STXBP4: variants seen among roughly 807,000 people sequenced by gnomAD.
STXBP4 encodes syntaxin-binding protein 4.
Under a neutral mutation model 76.1 loss-of-function variants are expected in STXBP4, and 55 were observed. The observed-to-expected ratio is 0.72, with a 90% CI of 0.58 to 0.91. STXBP4 has a LOEUF of 0.91. STXBP4 is among the 40% of genes least tolerant of loss of function. STXBP4 has a pLI of 0.00. For missense variants in STXBP4, 618 were observed against 636.9 expected (o/e 0.97, Z 0.32); for synonymous variants, 201 against 220.2 (o/e 0.91, Z 0.77).
At chr17:55,068,967 G>T (rs1296999248) in intron 12 of STXBP4, among the ~76,000 whole-genome samples, 1 of 152,006 alleles carries the variant, frequency 6.6e-6, no homozygotes, top group African/African-American at 2.4e-5. Context: ...TGTGTGAGCT[G>T]TTACCGTGCT....
intron 1 of STXBP4, among the ~76,000 whole-genome samples, chr17:54,970,120 C>G (rs2077370690): frequency 6.6e-6 from 1 of 152,150 alleles, no homozygotes; most frequent in South Asian, 2.1e-4. Context: ...GAAAGAAGGC[C>G]ACTGTGTTCC....
the STXBP4 span, among the ~76,000 whole-genome samples, chr17:55,205,392 A>G: frequency 6.6e-6 from 1 of 152,190 alleles, no homozygotes. Context: ...TGAAGTAGAA[A>G]AGCCTTTCGT....
At chr17:55,083,275 C>T (rs74997942) in intron 16 of STXBP4, among the ~76,000 whole-genome samples, 4,406 of 152,146 alleles carry the variant, frequency 0.029, 87 homozygotes, top group Admixed American at 0.042. Context: ...CACACCCGGC[C>T]AGAAAAGAGC....
intron 12 of STXBP4, 31 bp downstream of exon 12, chr17:55,047,185 CGTGTGT>C (rs34336794): frequency 0.16 from 129,779 of 806,474 alleles, 6,364 homozygotes; most frequent in Middle Eastern, 0.25. Context: ...TATATGTGCT[CGTGTGT>C]GTGTGTGTGT....
At chr17:55,179,006 A>G in the STXBP4 span, among the ~76,000 whole-genome samples, 1 of 152,198 alleles carries the variant, frequency 6.6e-6, no homozygotes, top group Admixed American at 6.5e-5. Context: ...GTTGACATAT[A>G]AAATCACACT....
chr17:55,181,430 G>T, the STXBP4 span, among the ~76,000 whole-genome samples: 6 of 152,146 alleles, frequency 3.9e-5, no homozygotes, highest in Non-Finnish European at 7.3e-5. Context: ...CCTTCCCTTT[G>T]GAGTGCTGTC....
intron 1 of STXBP4, among the ~76,000 whole-genome samples, chr17:54,973,302 G>A (rs913428216): frequency 7.9e-5 from 12 of 152,084 alleles, no homozygotes; most frequent in Non-Finnish European, 1.0e-4. Flanking sequence ...GCTTTGCAAC[G>A]GATGACAACA....
rs190478180 is a variant in STXBP4, at chr17:55,038,347, C to A, written c.855+4088C>A. ...TTGGAACCAGTATTTTGACTTATAA[C>A]AACATAGATTATTTTTGCCCCTTAT... On this transcript the variant is annotated intron_variant, in intron 10 of 17. Transcript: ENST00000376352. 1.5e-3 allele frequency among the ~76,000 whole-genome samples: 233 copies of A among 152,160 alleles called. 1 individual carries two copies. The highest frequency in any genetic ancestry group is 5.4e-3 in the African/African-American group (223 of 41,532).
chr17:55,150,609 T>C (rs914895492), intron 17 of STXBP4, among the ~76,000 whole-genome samples: 2 of 152,212 alleles, frequency 1.3e-5, no homozygotes, highest in Non-Finnish European at 2.9e-5. Flanking sequence ...CTGTAGATTA[T>C]ATTCATTATA....
At chr17:55,028,975 T>A (rs1268152619) in intron 8 of STXBP4, among the ~76,000 whole-genome samples, 1 of 152,134 alleles carries the variant, frequency 6.6e-6, no homozygotes, top group Non-Finnish European at 1.5e-5. Context: ...GGCTTAGCAC[T>A]TCCTTTTCTA....
At chr17:55,052,833 A>G (rs1476503329) in intron 12 of STXBP4, among the ~76,000 whole-genome samples, 1 of 151,000 alleles carries the variant, frequency 6.6e-6, no homozygotes, top group African/African-American at 2.4e-5. Flanking sequence ...TGTAACCTGA[A>G]TCTAACCATG....
chr17:55,177,130 A>T (rs533950395), downstream of STXBP4, among the ~76,000 whole-genome samples: 1 of 152,092 alleles, frequency 6.6e-6, no homozygotes, highest in South Asian at 2.1e-4. Context: ...ATTCCCTCTT[A>T]TCTCTGTACC....
intron 12 of STXBP4, among the ~76,000 whole-genome samples, chr17:55,071,651 C>T (rs1002271216): frequency 3.9e-5 from 6 of 152,060 alleles, no homozygotes; most frequent in African/African-American, 1.2e-4. Flanking sequence ...TAGTGTCTAC[C>T]CCCAGTACCT....
At chr17:55,051,751 T>C (rs1184542221) in intron 12 of STXBP4, among the ~76,000 whole-genome samples, 1 of 152,012 alleles carries the variant, frequency 6.6e-6, no homozygotes, top group Non-Finnish European at 1.5e-5. Context: ...TGACACCTTG[T>C]CTCTTAAAAG....
rs998246352 is a variant in STXBP4 at position 55,044,978 on chromosome 17, C to T, written c.945+1653C>T. On this transcript the variant is annotated intron_variant, in intron 11 of 17. Coordinates refer to ENST00000376352, the MANE Select transcript of STXBP4 (RefSeq NM_178509.6). Reference sequence around the variant, plus strand: ...ATTAAATAGTTATTTGGCCAGTTCCCTATTGATGGACATTAGACTATTTCC... The same window carrying T: ...ATTAAATAGTTATTTGGCCAGTTCCTTATTGATGGACATTAGACTATTTCC... Among the ~76,000 whole-genome samples, 5 of 152,044 alleles carry T rather than the reference C, an allele frequency of 3.3e-5. No individual in the cohort carries two copies. In the South Asian group the frequency reaches 1.0e-3, roughly 32 times the overall value.
chr17:55,180,271 A>C, the STXBP4 span, among the ~76,000 whole-genome samples: 1 of 152,188 alleles, frequency 6.6e-6, no homozygotes, highest in African/African-American at 2.4e-5. Context: ...CATAAGGAAA[A>C]AGTAGTAATA....
intron 16 of STXBP4, among the ~76,000 whole-genome samples, chr17:55,116,040 A>G (rs866014884): frequency 1.1e-4 from 17 of 151,850 alleles, no homozygotes; most frequent in African/African-American, 4.1e-4. Flanking sequence ...GACAAACTCT[A>G]GGGAGCGGTG....
intron 4 of STXBP4, among the ~76,000 whole-genome samples, chr17:54,993,001 C>T (rs1210365556): frequency 6.6e-6 from 1 of 152,110 alleles, no homozygotes; most frequent in Non-Finnish European, 1.5e-5. Flanking sequence ...GCATGAGCCA[C>T]CACGCCTGAC....
intron 17 of STXBP4, among the ~76,000 whole-genome samples, chr17:55,153,511 A>G (rs2080238453): frequency 6.6e-6 from 1 of 152,168 alleles, no homozygotes; most frequent in South Asian, 2.1e-4. Context: ...TAGTGTAGTC[A>G]TTTTAACTCT....
Sources: allele counts gnomAD v4.1 joint callset (sites outside exome capture counted in the v4.1 genomes callset), GRCh38; gene constraint gnomAD v4.1.1; transcripts MANE v1.5; gene names NCBI Gene and HGNC (gene_info 2026-07-23, HGNC 2026-07-21).